Variants in STXBP5L observed in about 807,000 individuals in gnomAD.
The protein encoded by STXBP5L is syntaxin-binding protein 5-like.
In STXBP5L, 65 loss-of-function variants were observed where a neutral mutation model predicts 144.5. That is an observed-to-expected ratio of 0.45 (90% CI 0.37 to 0.55). STXBP5L has a LOEUF of 0.55. Among genes scored for constraint, STXBP5L ranks in the 20% least tolerant of loss-of-function variants. The probability of loss-of-function intolerance (pLI) is 0.00; values close to 1 mark genes in which losing one functional copy is unlikely to be tolerated. For missense variants in STXBP5L, 1,298 were observed against 1,405.5 expected (o/e 0.92, Z 1.22); for synonymous variants, 505 against 469.6 (o/e 1.08, Z -0.97).
intron 19 of STXBP5L, among the ~76,000 whole-genome samples, chr3:121,287,263 T>G (rs2051263695): frequency 6.6e-6 from 1 of 152,288 alleles, no homozygotes; most frequent in African/African-American, 2.4e-5. Context: ...AAATAAAAGT[T>G]ATCTAGATTT....
chr3:120,979,538 C>G (rs555227358), intron 3 of STXBP5L, among the ~76,000 whole-genome samples: 1 of 152,262 alleles, frequency 6.6e-6, no homozygotes, highest in African/African-American at 2.4e-5. Flanking sequence ...GGCTCACGCA[C>G]AGTGCACTGC....
chr3:121,025,097 C>G (rs887178264), intron 3 of STXBP5L, among the ~76,000 whole-genome samples: 1 of 152,100 alleles, frequency 6.6e-6, no homozygotes, highest in Non-Finnish European at 1.5e-5. Flanking sequence ...TAATTTATGA[C>G]TCTTAGGTAA....
intron 2 of STXBP5L, among the ~76,000 whole-genome samples, chr3:120,945,007 T>C (rs1219298818): frequency 6.6e-6 from 1 of 151,764 alleles, no homozygotes; most frequent in East Asian, 1.9e-4. Flanking sequence ...ACAATGAGAG[T>C]TGCTCCATAG....
intron 9 of STXBP5L, among the ~76,000 whole-genome samples, chr3:121,161,211 A>G (rs949177456): frequency 6.7e-6 from 1 of 150,150 alleles, no homozygotes; most frequent in African/African-American, 2.4e-5. Context: ...CTTTATCTGG[A>G]AGTTCAGTTT....
chr3:121,004,862 T>G (rs1278337253), intron 3 of STXBP5L, among the ~76,000 whole-genome samples: 1 of 152,238 alleles, frequency 6.6e-6, no homozygotes, highest in East Asian at 1.9e-4. Context: ...TTTATTGATT[T>G]GCATATGTTG....
chr3:121,101,710 ATAG>A (rs151087471), intron 5 of STXBP5L, among the ~76,000 whole-genome samples: 2,712 of 152,198 alleles, frequency 0.018, 39 homozygotes, highest in Non-Finnish European at 0.031. Flanking sequence ...CTTATTCAAC[ATAG>A]TACTGGAAGT....
At chr3:120,966,422 C>G (rs978644885) in intron 3 of STXBP5L, among the ~76,000 whole-genome samples, 3 of 152,204 alleles carry the variant, frequency 2.0e-5, no homozygotes, top group Non-Finnish European at 4.4e-5. Flanking sequence ...GTGGCTTTAT[C>G]TACCTTTGGT....
intron 4 of STXBP5L, among the ~76,000 whole-genome samples, chr3:121,045,068 T>C (rs552611521): frequency 1.3e-5 from 2 of 152,254 alleles, no homozygotes; most frequent in African/African-American, 2.4e-5. Flanking sequence ...AATATTTTCT[T>C]CTCTGTAAGG....
intron 9 of STXBP5L, among the ~76,000 whole-genome samples, chr3:121,194,755 G>T (rs1356666295): frequency 6.6e-6 from 1 of 151,828 alleles, no homozygotes; most frequent in Non-Finnish European, 1.5e-5. Context: ...TACTTGTTTT[G>T]TCTATTCATA....
chr3:121,205,145 G>T (rs992510721), intron 9 of STXBP5L, among the ~76,000 whole-genome samples: 2 of 152,156 alleles, frequency 1.3e-5, no homozygotes, highest in Non-Finnish European at 1.5e-5. Context: ...AGTATGGATT[G>T]TCATTGTTGT....
intron 20 of STXBP5L, among the ~76,000 whole-genome samples, chr3:121,346,679 G>C (rs1348158294): frequency 6.6e-6 from 1 of 152,160 alleles, no homozygotes; most frequent in African/African-American, 2.4e-5. Context: ...TTGTGGTTTT[G>C]ATTTGCATTG....
chr3:121,188,695 CA>C (rs1259079176), intron 9 of STXBP5L, among the ~76,000 whole-genome samples: 1 of 152,102 alleles, frequency 6.6e-6, no homozygotes, highest in South Asian at 2.1e-4. Context: ...TAAAGAGAAC[CA>C]ATGACAAAAA....
intron 3 of STXBP5L, among the ~76,000 whole-genome samples, chr3:120,987,192 G>C (rs1230828620): frequency 6.6e-6 from 1 of 151,916 alleles, no homozygotes; most frequent in African/African-American, 2.4e-5. Flanking sequence ...TTTCTAAGAA[G>C]ATGCCAAACA....
chr3:121,100,397 A>G (rs926577776), intron 5 of STXBP5L, among the ~76,000 whole-genome samples: 3 of 152,216 alleles, frequency 2.0e-5, no homozygotes, highest in Admixed American at 1.3e-4. Context: ...CATATCAAAC[A>G]TACTCTCAGA....
chr3:121,408,177 C>T (rs1423598898), intron 23 of STXBP5L, among the ~76,000 whole-genome samples: 1 of 151,848 alleles, frequency 6.6e-6, no homozygotes, highest in South Asian at 2.1e-4. Context: ...TTATCAGATA[C>T]TTTTAAAATA....
Position 121,152,556 on chromosome 3 carries a change from A to G in STXBP5L, c.749A>G (p.Asp250Gly), listed in dbSNP as rs769001614. The G allele has an allele frequency of 1.9e-6, 3 of 1,599,468 alleles. No homozygotes were observed. The highest frequency in any genetic ancestry group is 1.3e-5 in the African/African-American group (1 of 74,182). Residue 250 changes from aspartate to glycine, a missense_variant, in exon 8 of 27, where the codon GAT becomes GGT. Asp to Gly is a moderately conservative substitution (Grantham distance 94). Coordinates refer to ENST00000471454, the MANE Select transcript of STXBP5L (RefSeq NM_001308330.2). The part of the protein sequence containing the change: ...SKRAELRVYY[D>G]EAIHSIDWHH... ...AGAGCAGAACTGAGAGTTTATTATG[A>G]TGAGGTAAGTGATTTCTACCGACAT...
chr3:120,951,242 G>T (rs1458581859), intron 2 of STXBP5L, among the ~76,000 whole-genome samples: 1 of 152,114 alleles, frequency 6.6e-6, no homozygotes. Context: ...CATAGGCACG[G>T]GCAAGGACTT....
At chr3:121,061,657 T>C (rs1238386941) in intron 5 of STXBP5L, among the ~76,000 whole-genome samples, 1 of 152,252 alleles carries the variant, frequency 6.6e-6, no homozygotes, top group Non-Finnish European at 1.5e-5. Flanking sequence ...TGCTCCTGTA[T>C]GTGGTGCAGA....
At chr3:121,241,678 G>A (rs938575768) in intron 14 of STXBP5L, among the ~76,000 whole-genome samples, 17 of 152,120 alleles carry the variant, frequency 1.1e-4, no homozygotes, top group Admixed American at 9.2e-4. Context: ...CCTTCCCTGT[G>A]TCAACAGAAA....
Sources: allele counts gnomAD v4.1 joint callset (sites outside exome capture counted in the v4.1 genomes callset), GRCh38; gene constraint gnomAD v4.1.1; transcripts MANE v1.5; gene names NCBI Gene and HGNC (gene_info 2026-07-23, HGNC 2026-07-21).